Variants in TNR observed in about 807,000 individuals in gnomAD.
TNR encodes the protein tenascin-R.
In TNR, 45 loss-of-function variants were observed where a neutral mutation model predicts 150.4. That is an observed-to-expected ratio of 0.30 (90% CI 0.24 to 0.38). The LOEUF is 0.38. TNR is among the 10% of genes least tolerant of loss of function. TNR has a pLI of 1.00. For synonymous variants in TNR, 687 were observed against 678.4 expected (o/e 1.01, Z -0.20); for missense variants, 1,544 against 1,759.1 (o/e 0.88, Z 2.19).
At chr1:175,438,853 C>A (rs1384118320) in intron 2 of TNR, among the ~76,000 whole-genome samples, 1 of 152,068 alleles carries the variant, frequency 6.6e-6, no homozygotes, top group Non-Finnish European at 1.5e-5. Context: ...AACTACAAAC[C>A]ACTGCTCAAT....
chr1:175,663,623 G>T (rs917959251), intron 1 of TNR, among the ~76,000 whole-genome samples: 10 of 152,112 alleles, frequency 6.6e-5, no homozygotes, highest in Non-Finnish European at 1.0e-4. Context: ...GGATGATTAT[G>T]ATATAGTGAC....
At chr1:175,711,054 G>T (rs867045605) in intron 1 of TNR, among the ~76,000 whole-genome samples, 2 of 152,256 alleles carry the variant, frequency 1.3e-5, no homozygotes, top group East Asian at 1.9e-4. Context: ...GAAATAAGAG[G>T]ATGTGCCTCT....
At chr1:175,375,507 G>A (rs914864633) in intron 9 of TNR, among the ~76,000 whole-genome samples, 1 of 151,970 alleles carries the variant, frequency 6.6e-6, no homozygotes, top group African/African-American at 2.4e-5. Flanking sequence ...TTGGGCACCA[G>A]CCTGGACTCT....
At chr1:175,625,495 A>G (rs1034245441) in intron 1 of TNR, among the ~76,000 whole-genome samples, 3 of 152,208 alleles carry the variant, frequency 2.0e-5, no homozygotes, top group Non-Finnish European at 2.9e-5. Context: ...CAAAAGCCCT[A>G]GTGTAGCGGA....
At chr1:175,329,090 GTCTTC>G (rs1649572972) in intron 21 of TNR, among the ~76,000 whole-genome samples, 1 of 152,192 alleles carries the variant, frequency 6.6e-6, no homozygotes, top group Admixed American at 6.5e-5. Flanking sequence ...AGGAAAGCAT[GTCTTC>G]TCTTTGGAGT....
rs79015930 is a variant in TNR at position 175,705,076 on chromosome 1, C to T, written c.-165+38150G>A. Among the ~76,000 whole-genome samples, 112 of 152,224 alleles carry T rather than the reference C, an allele frequency of 7.4e-4. 3 individuals are homozygous for T. The East Asian group carries it at 0.02, about 28-fold the overall frequency. ...AGGGCAGGAAGGTCTCAAACGTGAG[C>T]GCCTGGTGTGAGCTCTCCTTGACAC... On this transcript the variant is annotated intron_variant, in intron 1 of 22. Coordinates refer to ENST00000367674, the MANE Select transcript of TNR (RefSeq NM_003285.3).
intron 1 of TNR, among the ~76,000 whole-genome samples, chr1:175,535,573 GC>G (rs1372874260): frequency 1.3e-5 from 2 of 151,566 alleles, no homozygotes; most frequent in African/African-American, 4.8e-5. Context: ...CTATTCTCCT[GC>G]CTCAGCCTCC....
Position 175,316,103 on chromosome 1 carries a change from T to C in TNR, c.*7254A>G, listed in dbSNP as rs1648834393. Reference sequence around the variant, plus strand: ...TTGGGGAGATCTATTCCTTTATATATAAACATCATTCAATTAAAGGGAAGG... The same window carrying C: ...TTGGGGAGATCTATTCCTTTATATACAAACATCATTCAATTAAAGGGAAGG... On this transcript the variant is annotated 3_prime_UTR_variant, in exon 23 of 23. Transcript: ENST00000367674. 6.6e-6 allele frequency: 1 copy of C among 152,198 alleles called. No homozygotes were observed. The highest frequency in any genetic ancestry group is 2.4e-5 in the African/African-American group (1 of 41,446). 9.4% of individuals were successfully genotyped at this position (152,198 alleles called of 1,614,324 possible). A position where few individuals can be genotyped will look rare whatever the true frequency, so the allele number is the denominator to read the frequency against.
Position 175,324,339 on chromosome 1 carries a change from G to C in TNR, c.3957+17C>G, listed in dbSNP as rs1262624854. The C allele has an allele frequency of 6.2e-7, 1 of 1,610,410 alleles. No homozygotes were observed. Among genetic ancestry groups the C allele is most frequent in the Non-Finnish European group, 8.5e-7 (1 of 1,178,626 alleles). ...ACAGCTCTGGCTCATTCATAGCAGA[G>C]GTGGAGCATCGCTTACCTGACTGTG... On this transcript the variant is annotated intron_variant, in intron 22 of 22. Transcript: ENST00000367674.
intron 21 of TNR, among the ~76,000 whole-genome samples, chr1:175,329,555 C>T (rs1399999659): frequency 6.6e-6 from 1 of 152,172 alleles, no homozygotes; most frequent in Non-Finnish European, 1.5e-5. Flanking sequence ...AGCATGACCG[C>T]TGATGGACAG....
intron 1 of TNR, among the ~76,000 whole-genome samples, chr1:175,581,846 A>T (rs1201608582): frequency 6.6e-6 from 1 of 152,220 alleles, no homozygotes; most frequent in African/African-American, 2.4e-5. Flanking sequence ...TAGTATATCT[A>T]GAAGCCGACA....
intron 2 of TNR, among the ~76,000 whole-genome samples, chr1:175,434,990 G>A (rs115586209): frequency 2.0e-5 from 3 of 152,062 alleles, no homozygotes; most frequent in African/African-American, 7.2e-5. Flanking sequence ...GCACTTTTAC[G>A]TTGCCTTGGT....
intron 2 of TNR, among the ~76,000 whole-genome samples, chr1:175,519,202 A>G (rs931727491): frequency 6.6e-6 from 1 of 152,216 alleles, no homozygotes; most frequent in Admixed American, 6.5e-5. Flanking sequence ...CTCTGACTCT[A>G]AGAATTCTAA....
chr1:175,437,173 C>A (rs561672556), intron 2 of TNR, among the ~76,000 whole-genome samples: 1 of 152,206 alleles, frequency 6.6e-6, no homozygotes, highest in Non-Finnish European at 1.5e-5. Flanking sequence ...TTATAACAAA[C>A]TGTCTCTCAG....
At chr1:175,548,160 C>T (rs1204141535) in intron 1 of TNR, among the ~76,000 whole-genome samples, 2 of 152,124 alleles carry the variant, frequency 1.3e-5, no homozygotes, top group Non-Finnish European at 2.9e-5. Context: ...TACGCAGAGG[C>T]TCTGGGCACT....
chr1:175,460,164 G>A (rs1656751661), intron 2 of TNR, among the ~76,000 whole-genome samples: 1 of 152,148 alleles, frequency 6.6e-6, no homozygotes, highest in African/African-American at 2.4e-5. Context: ...GTGAAGGTGT[G>A]AGAGGGGAGG....
At chr1:175,666,823 C>A (rs542707068) in intron 1 of TNR, among the ~76,000 whole-genome samples, 1 of 152,198 alleles carries the variant, frequency 6.6e-6, no homozygotes, top group Non-Finnish European at 1.5e-5. Flanking sequence ...TCAGAGCTCA[C>A]TATAGCCTCA....
chr1:175,579,027 A>G (rs1016686925), intron 1 of TNR, among the ~76,000 whole-genome samples: 1 of 152,198 alleles, frequency 6.6e-6, no homozygotes, highest in African/African-American at 2.4e-5. Context: ...AACTCTCTCA[A>G]CTAAGCAAAA....
At chr1:175,483,887 G>C (rs1027230065) in intron 2 of TNR, among the ~76,000 whole-genome samples, 1 of 152,104 alleles carries the variant, frequency 6.6e-6, no homozygotes, top group East Asian at 1.9e-4. Flanking sequence ...CCCTCTTGCT[G>C]CCCATGCCAC....
Sources: allele counts gnomAD v4.1 joint callset (sites outside exome capture counted in the v4.1 genomes callset), GRCh38; gene constraint gnomAD v4.1.1; transcripts MANE v1.5; gene names NCBI Gene and HGNC (gene_info 2026-07-23, HGNC 2026-07-21).